IL1RAPL1: variants seen among roughly 807,000 people sequenced by gnomAD.
IL1RAPL1 encodes the protein interleukin 1 receptor accessory protein like 1.
Under a neutral mutation model 48.4 loss-of-function variants are expected in IL1RAPL1, and 3 were observed. The observed-to-expected ratio is 0.06, with a 90% confidence interval of 0.03 to 0.16. The LOEUF (loss-of-function observed/expected upper bound fraction) is 0.16, where lower values mean the gene tolerates loss of function less well. Ranked by LOEUF, IL1RAPL1 falls within the 10% of genes least tolerant of loss-of-function variation. The pLI, the probability that IL1RAPL1 is intolerant of heterozygous loss-of-function variation, is 1.00. For missense variants in IL1RAPL1, 349 were observed against 530.6 expected (o/e 0.66, Z 3.36); for synonymous variants, 185 against 187.7 (o/e 0.99, Z 0.12).
intron 6 of IL1RAPL1, among the ~76,000 whole-genome samples, chrX:29,774,080 A>G (rs776336000): frequency 1.8e-5 from 2 of 111,130 alleles, no homozygotes; most frequent in Admixed American, 9.6e-5. Context: ...CTTCAGCAGT[A>G]TCTTTCTTGC....
chrX:29,439,851 GTTTTT>G (rs760458968), intron 5 of IL1RAPL1, among the ~76,000 whole-genome samples: 1 of 59,864 alleles, frequency 1.7e-5, no homozygotes, highest in Non-Finnish European at 2.9e-5. Context: ...TGTTTGTTTG[GTTTTT>G]TTTTTTTTTT....
intron 6 of IL1RAPL1, among the ~76,000 whole-genome samples, chrX:29,846,798 A>ATATATATG (rs752651030): frequency 0.047 from 1,813 of 38,493 alleles, 57 homozygotes; most frequent in African/African-American, 0.17. Flanking sequence ...ATATATATGT[A>ATATATATG]TATACACACA....
chrX:29,073,245 G>A (rs1282735521), intron 2 of IL1RAPL1, among the ~76,000 whole-genome samples: 1 of 111,803 alleles, frequency 8.9e-6, no homozygotes, highest in Non-Finnish European at 1.9e-5. Flanking sequence ...AGAAATTATA[G>A]AAATTTTATT....
chrX:29,115,173 G>A (rs1928654018), intron 2 of IL1RAPL1, among the ~76,000 whole-genome samples: 1 of 111,746 alleles, frequency 8.9e-6, no homozygotes, highest in African/African-American at 3.2e-5. Context: ...TATATTGTAT[G>A]GTATCAATTT....
chrX:29,692,912 T>C (rs181762894), intron 6 of IL1RAPL1, among the ~76,000 whole-genome samples: 6 of 112,159 alleles, frequency 5.3e-5, no homozygotes, highest in African/African-American at 1.9e-4. Flanking sequence ...TTGGTATCTT[T>C]AGGTCTTTTG....
At chrX:29,424,894 G>T (rs1463639630) in intron 5 of IL1RAPL1, among the ~76,000 whole-genome samples, 3 of 111,833 alleles carry the variant, frequency 2.7e-5, no homozygotes, top group Non-Finnish European at 3.8e-5. Context: ...TGAACTGCCA[G>T]TTCCTTTTCT....
At chrX:29,226,363 T>C (rs1931077248) in intron 2 of IL1RAPL1, among the ~76,000 whole-genome samples, 1 of 111,037 alleles carries the variant, frequency 9.0e-6, no homozygotes, top group Non-Finnish European at 1.9e-5. Context: ...GTTATAATGA[T>C]GTTCCACAGT....
chrX:29,632,852 T>G, intron 5 of IL1RAPL1, among the ~76,000 whole-genome samples: 1 of 112,078 alleles, frequency 8.9e-6, no homozygotes, highest in Non-Finnish European at 1.9e-5. Context: ...TCACAAATAT[T>G]TGTCTGCTAC....
intron 3 of IL1RAPL1, among the ~76,000 whole-genome samples, chrX:29,341,244 C>G (rs971449751): frequency 2.7e-5 from 3 of 111,782 alleles, no homozygotes; most frequent in Non-Finnish European, 5.6e-5. Flanking sequence ...TCCAAGATGT[C>G]TGTAGCACCT....
At chrX:28,768,751 CTCTCTATATATATA>C (rs1475056749) in intron 1 of IL1RAPL1, among the ~76,000 whole-genome samples, 28 of 63,377 alleles carry the variant, frequency 4.4e-4, no homozygotes, top group African/African-American at 1.8e-3. Flanking sequence ...CTCTCTCTCT[CTCTCTATATATATA>C]TATATATATA....
At chrX:28,674,344 A>G (rs770173798) in intron 1 of IL1RAPL1, among the ~76,000 whole-genome samples, 8 of 110,687 alleles carry the variant, frequency 7.2e-5, no homozygotes, top group Admixed American at 9.7e-5. Flanking sequence ...TCTCACATCA[A>G]TTGCACCACC....
At chrX:29,871,459 A>G (rs779207428) in intron 6 of IL1RAPL1, among the ~76,000 whole-genome samples, 1 of 112,284 alleles carries the variant, frequency 8.9e-6, no homozygotes, top group Admixed American at 9.4e-5. Flanking sequence ...CCAATTGACA[A>G]GGAAGTCCTC....
intron 1 of IL1RAPL1, among the ~76,000 whole-genome samples, chrX:28,647,043 G>A (rs1422453329): frequency 9.0e-6 from 1 of 110,959 alleles, no homozygotes; most frequent in Admixed American, 9.6e-5. Context: ...TGGCTAATTG[G>A]CCCTTCAAAT....
chrX:29,661,788 C>T (rs185275777), intron 5 of IL1RAPL1, among the ~76,000 whole-genome samples: 2 of 111,806 alleles, frequency 1.8e-5, no homozygotes, highest in Non-Finnish European at 3.8e-5. Context: ...CATGAACATT[C>T]GTTTATAATT....
At chrX:29,328,375 A>G (rs906802265) in intron 3 of IL1RAPL1, among the ~76,000 whole-genome samples, 2 of 110,984 alleles carry the variant, frequency 1.8e-5, no homozygotes, top group Non-Finnish European at 3.8e-5. Context: ...GATATCCCAA[A>G]ATATTAGAGT....
chrX:29,606,479 C>T (rs1923896414), intron 5 of IL1RAPL1, among the ~76,000 whole-genome samples: 2 of 111,913 alleles, frequency 1.8e-5, no homozygotes, highest in Admixed American at 9.5e-5. Context: ...AGTATTTTCC[C>T]CCCAAAATAT....
intron 5 of IL1RAPL1, among the ~76,000 whole-genome samples, chrX:29,512,522 AATATTTTT>A (rs61016761): frequency 0.44 from 48,048 of 110,153 alleles, 7,652 homozygotes; most frequent in East Asian, 0.69. Context: ...AAATCTCGTT[AATATTTTT>A]TTAGGTGTGT....
At chrX:29,169,528 A>C (rs1929869081) in intron 2 of IL1RAPL1, among the ~76,000 whole-genome samples, 1 of 110,963 alleles carries the variant, frequency 9.0e-6, no homozygotes, top group Non-Finnish European at 1.9e-5. Context: ...GCATCAGATA[A>C]AAAAATATAA....
At chrX:29,427,453 C>A (rs184456044) in intron 5 of IL1RAPL1, among the ~76,000 whole-genome samples, 1 of 111,779 alleles carries the variant, frequency 8.9e-6, no homozygotes, top group East Asian at 2.8e-4. Context: ...TCAAATCGAC[C>A]TCCACAAGAA....
Sources: allele counts gnomAD v4.1 joint callset (sites outside exome capture counted in the v4.1 genomes callset), GRCh38; gene constraint gnomAD v4.1.1; transcripts MANE v1.5; gene names NCBI Gene and HGNC (gene_info 2026-07-23, HGNC 2026-07-21).